The following CFAP57 variants were observed in gnomAD, a reference collection of about 807,000 sequenced individuals.
CFAP57 encodes the protein cilia and flagella associated protein 57.
CFAP57 carries 116 observed loss-of-function variants against 146.8 expected under a neutral mutation model. The observed-to-expected ratio is 0.79, with a 90% CI of 0.68 to 0.92. The LOEUF is 0.92. Ranked by LOEUF, CFAP57 falls within the 40% of genes least tolerant of loss-of-function variation. CFAP57 has a pLI of 0.00. For missense variants in CFAP57, 1,377 were observed against 1,527.2 expected (o/e 0.90, Z 1.64); for synonymous variants, 518 against 552.8 (o/e 0.94, Z 0.88).
At chr1:43,175,395 G>A (rs917898953) in intron 2 of CFAP57, among the ~76,000 whole-genome samples, 3 of 151,456 alleles carry the variant, frequency 2.0e-5, no homozygotes, top group Non-Finnish European at 2.9e-5. Context: ...TATCCTCCTA[G>A]GGATTATTTG....
chr1:43,218,601 A>G (rs924045064), intron 12 of CFAP57, among the ~76,000 whole-genome samples: 4 of 63,936 alleles, frequency 6.3e-5, no homozygotes, highest in Admixed American at 6.1e-4. Context: ...GAGTGAAACC[A>G]TGTCTCAAAA....
At chr1:43,215,488 TG>T in intron 12 of CFAP57, 72 bp downstream of exon 12, 4 of 1,500,480 alleles carry the variant, frequency 2.7e-6, no homozygotes, top group Non-Finnish European at 2.7e-6. Context: ...GGTCCAGCAC[TG>T]GGGCCCTCTA....
chr1:43,206,724 G>A lies in CFAP57; in HGVS notation c.1547G>A (p.Arg516His), dbSNP rs762720837. 3.1e-6 allele frequency: 5 copies of A among 1,613,842 alleles called. No individual in the cohort carries two copies. Among genetic ancestry groups the A allele is most frequent in the Non-Finnish European group, 3.4e-6 (4 of 1,179,982 alleles). Residue 516 changes from arginine (R) to histidine (H), a missense_variant, in exon 10 of 23, where the codon CGC becomes CAC. Arg to His is a conservative substitution (Grantham distance 29). Transcript: ENST00000372492. ...SSLKGHTGKIRSIVWNADDSK... is the reference protein window; with the variant it reads ...SSLKGHTGKIHSIVWNADDSK... Reference sequence around the variant, plus strand: ...ATATGTCTTCCTCTCCTGCAGATTCGCTCAATTGTGTGGAATGCAGATGAT... The same window carrying A: ...ATATGTCTTCCTCTCCTGCAGATTCACTCAATTGTGTGGAATGCAGATGAT...
intron 6 of CFAP57, among the ~76,000 whole-genome samples, chr1:43,187,401 A>G (rs964946606): frequency 1.1e-4 from 16 of 152,304 alleles, no homozygotes; most frequent in Non-Finnish European, 2.2e-4. Context: ...TGGGCAGAAC[A>G]AGGAAAATAG....
At chr1:43,243,441 C>A in intron 22 of CFAP57, 82 bp downstream of exon 22, 1 of 1,394,868 alleles carries the variant, frequency 7.2e-7, no homozygotes, top group South Asian at 1.6e-5. Flanking sequence ...CCTTTGGCTT[C>A]CTTCTGTATC....
chr1:43,247,185 A>G (rs371748297), intron 22 of CFAP57, among the ~76,000 whole-genome samples: 4 of 152,216 alleles, frequency 2.6e-5, no homozygotes, highest in South Asian at 2.1e-4. Flanking sequence ...TTTTATACAT[A>G]TGCATACACA....
chr1:43,230,346 T>C lies in CFAP57; in HGVS notation c.3010-2162T>C, dbSNP rs144888222. 2.9e-3 allele frequency among the ~76,000 whole-genome samples: 438 copies of C among 152,350 alleles called. 12 individuals carry two copies. In the East Asian group the frequency reaches 0.061, roughly 21 times the overall value. On this transcript the variant is annotated intron_variant, in intron 18 of 22. Coordinates refer to ENST00000372492, the MANE Select transcript of CFAP57 (RefSeq NM_001378189.1). ...CAAACTGGCAGCCTCCTGACTGGTC[T>C]GCCTGGCCCCCGTCTTGCTCTTTTC... is the stretch of plus-strand genomic sequence containing the variant.
intron 1 of CFAP57, 79 bp from the exon 2 acceptor site, chr1:43,172,656 G>A: frequency 7.4e-7 from 1 of 1,343,942 alleles, no homozygotes. Context: ...AAAGGGCGGG[G>A]AGGGCGAGTC....
At chr1:43,176,647 G>A (rs1216156076) in intron 2 of CFAP57, among the ~76,000 whole-genome samples, 1 of 152,226 alleles carries the variant, frequency 6.6e-6, no homozygotes, top group African/African-American at 2.4e-5. Flanking sequence ...TGTCCTCACA[G>A]TGCTTCCATT....
Position 43,215,357 on chromosome 1 carries a change from G to T in CFAP57, c.2032G>T (p.Glu678Ter). 1 of 1,551,198 alleles carries T rather than the reference G, an allele frequency of 6.4e-7. No individual in the cohort carries two copies. Among genetic ancestry groups the T allele is most frequent in the South Asian group, 1.2e-5 (1 of 84,062 alleles). Residue 678 changes from glutamate (E) to a stop codon, truncating the protein, a stop_gained, in exon 12 of 23, where the codon GAG becomes TAG. Coordinates refer to ENST00000372492, the MANE Select transcript of CFAP57 (RefSeq NM_001378189.1). LOFTEE classifies it high-confidence loss of function. ...FDKDGRGIKR[E>*]REVGFAEEVL... ...TAAGGATGGCCGGGGAATCAAGCGA[G>T]AGAGGGAGGTGGGCTTTGCCGAAGA...
chr1:43,184,346 C>G (rs1645552490), intron 4 of CFAP57, among the ~76,000 whole-genome samples: 1 of 152,154 alleles, frequency 6.6e-6, no homozygotes, highest in Non-Finnish European at 1.5e-5. Flanking sequence ...AGTGCAATCT[C>G]AGGAAGGAGT....
intron 2 of CFAP57, among the ~76,000 whole-genome samples, chr1:43,173,694 A>T (rs1292234474): frequency 6.6e-6 from 1 of 152,200 alleles, no homozygotes; most frequent in Non-Finnish European, 1.5e-5. Flanking sequence ...AATGTCTCAA[A>T]TATATGTATT....
chr1:43,176,617 C>G (rs748171867), intron 2 of CFAP57, among the ~76,000 whole-genome samples: 2 of 152,178 alleles, frequency 1.3e-5, no homozygotes, highest in Non-Finnish European at 2.9e-5. Flanking sequence ...AATAGACACG[C>G]ACATATGCAC....
chr1:43,209,829 G>A lies in CFAP57; in HGVS notation c.1842G>A (p.Ser614=), dbSNP rs143009991. 5.0e-4 allele frequency: 812 copies of A among 1,614,180 alleles called. 6 individuals are homozygous for A. In the African/African-American group the frequency reaches 8.2e-3, roughly 16 times the overall value. ...GACGCATGATGTTTGTGGGCACCTC[G>A]GTGGGAACCATTCGTGCCATGAAGT... is the stretch of plus-strand genomic sequence containing the variant. ...HSGRMMFVGT[S]VGTIRAMKYP... is the part of the protein sequence containing the mutation. Residue 614 remains serine (S), a synonymous_variant, in exon 11 of 23, where the codon TCG becomes TCA. Coordinates refer to ENST00000372492, the MANE Select transcript of CFAP57 (RefSeq NM_001378189.1).
At position 43,225,604 on chromosome 1, in the gene CFAP57, C is replaced by T. The variant is rs139007649; in HGVS notation, c.2866-1379C>T. Among the ~76,000 whole-genome samples, 439 of 152,336 alleles carry T rather than the reference C, an allele frequency of 2.9e-3. 2 individuals carry two copies. The highest frequency in any genetic ancestry group is 4.6e-3 in the Admixed American group (71 of 15,304). On this transcript the variant is annotated intron_variant, in intron 17 of 22. Transcript: ENST00000372492. Reference sequence around the variant, plus strand: ...TCCCCAGCCTCACCTCTCACTTCCCCCATGAACCACCGCTTGGCTCTCAAG... The same window carrying T: ...TCCCCAGCCTCACCTCTCACTTCCCTCATGAACCACCGCTTGGCTCTCAAG...
chr1:43,210,136 G>A (rs745383931), intron 11 of CFAP57: 3 of 1,604,176 alleles, frequency 1.9e-6, no homozygotes, highest in Admixed American at 1.7e-5. Context: ...ACCTAAAAAT[G>A]TATGTACAAC....
chr1:43,218,915 C>T (rs1305856406), intron 12 of CFAP57, among the ~76,000 whole-genome samples: 1 of 152,112 alleles, frequency 6.6e-6, no homozygotes, highest in African/African-American at 2.4e-5. Flanking sequence ...GCAAACAAAC[C>T]CTACAAAGAT....
chr1:43,181,631 C>T lies in CFAP57; in HGVS notation c.255C>T (p.Thr85=), dbSNP rs770230151. 4.3e-6 allele frequency: 7 copies of T among 1,614,204 alleles called. No individual in the cohort carries two copies. The highest frequency in any genetic ancestry group is 5.9e-6 in the Non-Finnish European group (7 of 1,180,032). Residue 85 remains threonine (T), a synonymous_variant, in exon 3 of 23, where the codon ACC becomes ACT. Coordinates refer to ENST00000372492, the MANE Select transcript of CFAP57 (RefSeq NM_001378189.1). ...CTGTGCAAGAAAAACCTGCCATCAC[C>T]ATTTATGAATTGTCATCCATCCCTT... ...SETVQEKPAI[T]IYELSSIPCR...
At chr1:43,219,636 G>A in intron 13 of CFAP57, 99 bp downstream of exon 13, 1 of 1,396,514 alleles carries the variant, frequency 7.2e-7, no homozygotes, top group South Asian at 1.3e-5. Context: ...CAAACAGTAA[G>A]ATATGTGAAA....
Sources: allele counts gnomAD v4.1 joint callset (sites outside exome capture counted in the v4.1 genomes callset), GRCh38; gene constraint gnomAD v4.1.1; transcripts MANE v1.5; gene names NCBI Gene and HGNC (gene_info 2026-07-23, HGNC 2026-07-21).